Variants in SDHC observed in about 807,000 individuals in gnomAD.
The protein encoded by SDHC is succinate dehydrogenase cytochrome b560 subunit, mitochondrial.
SDHC carries 11 observed loss-of-function variants against 22.6 expected under a neutral mutation model. That is an observed-to-expected ratio of 0.49 (90% CI 0.31 to 0.81). The LOEUF is 0.81. Among genes scored for constraint, SDHC ranks in the 30% least tolerant of loss-of-function variants. The probability of loss-of-function intolerance (pLI) is 0.05; values close to 1 mark genes in which losing one functional copy is unlikely to be tolerated. For missense variants in SDHC, 160 were observed against 212.0 expected (o/e 0.75, Z 1.52); for synonymous variants, 80 against 77.8 (o/e 1.03, Z -0.15).
chr1:161,320,945 G>A (rs968036033), intron 1 of SDHC, among the ~76,000 whole-genome samples: 8 of 150,540 alleles, frequency 5.3e-5, no homozygotes, highest in African/African-American at 1.7e-4. Flanking sequence ...TCCTGCCTCA[G>A]CCTCCCGAGT....
intron 3 of SDHC, among the ~76,000 whole-genome samples, chr1:161,333,148 A>G (rs953241087): frequency 1.3e-5 from 2 of 152,202 alleles, no homozygotes; most frequent in Non-Finnish European, 2.9e-5. Flanking sequence ...GCGTTCATCC[A>G]TGTTTTAGCA....
chr1:161,356,011 C>G (rs933426762), intron 4 of SDHC, among the ~76,000 whole-genome samples: 2 of 150,420 alleles, frequency 1.3e-5, no homozygotes, highest in Non-Finnish European at 3.0e-5. Flanking sequence ...AAAAGAGAAC[C>G]TAATTTTTTT....
intron 4 of SDHC, among the ~76,000 whole-genome samples, chr1:161,346,658 A>G (rs764774337): frequency 6.6e-6 from 1 of 152,144 alleles, no homozygotes; most frequent in Non-Finnish European, 1.5e-5. Flanking sequence ...TTGGCCTCCC[A>G]AAGTGCTGGG....
At position 161,340,675 on chromosome 1, in the gene SDHC, C is replaced by G. The variant is rs777816269; in HGVS notation, c.241+20C>G. 6.2e-7 allele frequency: 1 copy of G among 1,602,918 alleles called. No individual in the cohort carries two copies. Among genetic ancestry groups the G allele is most frequent in the African/African-American group, 1.3e-5 (1 of 74,838 alleles). On this transcript the variant is annotated intron_variant, in intron 4 of 5. Coordinates refer to ENST00000367975, the MANE Select transcript of SDHC (RefSeq NM_003001.5). ...GTGCAGGTATGTATATGTGTTTTTA[C>G]ACACACATATGTGCTTCTTTGAAAA...
chr1:161,346,672 A>G (rs1035891271), intron 4 of SDHC, among the ~76,000 whole-genome samples: 2 of 152,142 alleles, frequency 1.3e-5, no homozygotes, highest in African/African-American at 4.8e-5. Flanking sequence ...TGCTGGGATT[A>G]CAGGTATGAG....
At chr1:161,335,737 A>G (rs200743919) in intron 3 of SDHC, among the ~76,000 whole-genome samples, 2 of 152,156 alleles carry the variant, frequency 1.3e-5, no homozygotes. Flanking sequence ...GTCTGTGGAT[A>G]GAGGTAGCAT....
chr1:161,359,589 G>A (rs193015455), intron 5 of SDHC, among the ~76,000 whole-genome samples: 33 of 152,352 alleles, frequency 2.2e-4, no homozygotes, highest in African/African-American at 7.7e-4. Flanking sequence ...GGGTAAGAGA[G>A]GGGAGGTTTT....
intron 2 of SDHC, among the ~76,000 whole-genome samples, chr1:161,324,219 C>T (rs905345588): frequency 1.3e-5 from 2 of 152,182 alleles, no homozygotes. Flanking sequence ...CTTGCCGTAG[C>T]CTCAGCTTCC....
At chr1:161,319,280 A>G (rs1048431987) in intron 1 of SDHC, among the ~76,000 whole-genome samples, 1 of 152,124 alleles carries the variant, frequency 6.6e-6, no homozygotes, top group Non-Finnish European at 1.5e-5. Context: ...GATCCAAAAT[A>G]TTTTGATAGT....
At position 161,321,105 on chromosome 1, in the gene SDHC, G is replaced by A. The variant is rs182384203; in HGVS notation, c.21-2509G>A. Among the ~76,000 whole-genome samples, 292 of 152,268 alleles carry A rather than the reference G, an allele frequency of 1.9e-3. 3 individuals are homozygous for A. Among genetic ancestry groups the A allele is most frequent in the Admixed American group, 0.011 (168 of 15,294 alleles). On this transcript the variant is annotated intron_variant, in intron 1 of 5. Transcript: ENST00000367975. ...CTCCCAAAGTGCTGGGATTACAGGC[G>A]TGAGCCATCGCGCCCGGCCCAGTCT...
At chr1:161,323,528 A>G (rs1258397528) in intron 1 of SDHC, 86 bp from the exon 2 acceptor site, 2 of 981,650 alleles carry the variant, frequency 2.0e-6, no homozygotes, top group South Asian at 2.6e-5. Flanking sequence ...CTTTTAATCT[A>G]TCCCTTCACC....
intron 5 of SDHC, among the ~76,000 whole-genome samples, chr1:161,361,591 G>A (rs1672511482): frequency 6.6e-6 from 1 of 152,174 alleles, no homozygotes; most frequent in African/African-American, 2.4e-5. Flanking sequence ...TGTAATCCCA[G>A]CATTCTGGGA....
intron 3 of SDHC, among the ~76,000 whole-genome samples, chr1:161,335,242 T>C (rs1217821953): frequency 6.6e-6 from 1 of 152,330 alleles, no homozygotes; most frequent in South Asian, 2.1e-4. Flanking sequence ...ATTTATCCCA[T>C]TACTGGTGAT....
intron 2 of SDHC, among the ~76,000 whole-genome samples, chr1:161,327,298 C>T (rs116270938): frequency 6.6e-6 from 1 of 152,274 alleles, no homozygotes; most frequent in Non-Finnish European, 1.5e-5. Flanking sequence ...TGCGGGGGAC[C>T]AGACAGCATG....
rs11265592 is a variant in SDHC at position 161,340,929 on chromosome 1, C to T, written c.241+274C>T. Among the ~76,000 whole-genome samples, 9,144 of 152,218 alleles carry T rather than the reference C, an allele frequency of 0.06. 332 individuals are homozygous for T. The highest frequency in any genetic ancestry group is 0.17 in the South Asian group (801 of 4,814). ...CGCGATCTCGGCTCACTGCAACCTC[C>T]GCCTGCTGGGTTCCAGCGATTCTCC... On this transcript the variant is annotated intron_variant, in intron 4 of 5. Coordinates refer to ENST00000367975, the MANE Select transcript of SDHC (RefSeq NM_003001.5).
chr1:161,358,469 T>C (rs535238381), intron 5 of SDHC, among the ~76,000 whole-genome samples: 2 of 151,952 alleles, frequency 1.3e-5, no homozygotes, highest in Non-Finnish European at 2.9e-5. Flanking sequence ...CATCGTCTGC[T>C]CAAAACTGGT....
intron 2 of SDHC, among the ~76,000 whole-genome samples, chr1:161,325,406 A>G (rs574089493): frequency 2.6e-5 from 4 of 151,824 alleles, no homozygotes; most frequent in South Asian, 4.2e-4. Context: ...TAGGCTGGGC[A>G]TGGTGGCTCA....
intron 1 of SDHC, among the ~76,000 whole-genome samples, chr1:161,319,633 G>C: frequency 6.6e-6 from 1 of 151,996 alleles, no homozygotes; most frequent in South Asian, 2.1e-4. Flanking sequence ...TTTTACTAGA[G>C]GTGGGGTTTC....
At chr1:161,329,945 T>C (rs1671215613) in intron 3 of SDHC, among the ~76,000 whole-genome samples, 1 of 152,208 alleles carries the variant, frequency 6.6e-6, no homozygotes, top group African/African-American at 2.4e-5. Flanking sequence ...GGGACCCTTG[T>C]CATTATATTT....
Sources: allele counts gnomAD v4.1 joint callset (sites outside exome capture counted in the v4.1 genomes callset), GRCh38; gene constraint gnomAD v4.1.1; transcripts MANE v1.5; gene names NCBI Gene and HGNC (gene_info 2026-07-23, HGNC 2026-07-21).